NDUFAF2: variants seen among roughly 807,000 people sequenced by gnomAD.
The protein encoded by NDUFAF2 is NADH:ubiquinone oxidoreductase complex assembly factor 2.
Under a neutral mutation model 22.8 loss-of-function variants are expected in NDUFAF2, and 13 were observed. That is an observed-to-expected ratio of 0.57 (90% CI 0.37 to 0.91). The LOEUF (loss-of-function observed/expected upper bound fraction) is 0.91. NDUFAF2 is among the 40% of genes least tolerant of loss of function. The probability of loss-of-function intolerance (pLI) is 0.01; values close to 1 mark genes in which losing one functional copy is unlikely to be tolerated. For missense variants in NDUFAF2, 162 were observed against 195.2 expected, an observed-to-expected ratio of 0.83 and a Z score of 1.01; for synonymous variants, 53 against 64.2, an observed-to-expected ratio of 0.83 and a Z score of 0.84.
intron 2 of NDUFAF2, among the ~76,000 whole-genome samples, chr5:61,080,032 C>G (rs1752422575): frequency 6.6e-6 from 1 of 152,016 alleles, no homozygotes; most frequent in East Asian, 1.9e-4. Flanking sequence ...CCTTGTTGCT[C>G]CATCTTGACT....
intron 1 of NDUFAF2, among the ~76,000 whole-genome samples, chr5:60,969,607 T>C (rs1438018157): frequency 2.0e-5 from 3 of 152,182 alleles, no homozygotes; most frequent in African/African-American, 7.2e-5. Flanking sequence ...GAGCTCCTTC[T>C]ATATTCTGGT....
At chr5:61,055,341 AC>A (rs1397829786) in intron 1 of NDUFAF2, among the ~76,000 whole-genome samples, 9 of 152,234 alleles carry the variant, frequency 5.9e-5, no homozygotes, top group Non-Finnish European at 8.8e-5. Flanking sequence ...CTTTTAATTC[AC>A]AATTCATCTT....
chr5:61,105,078 C>G (rs1341734913), intron 3 of NDUFAF2, among the ~76,000 whole-genome samples: 1 of 151,470 alleles, frequency 6.6e-6, no homozygotes, highest in African/African-American at 2.4e-5. Flanking sequence ...TTTTTCTTTG[C>G]TTCTCGGTTC....
chr5:60,972,022 A>C (rs188139010), intron 1 of NDUFAF2, among the ~76,000 whole-genome samples: 26 of 145,012 alleles, frequency 1.8e-4, no homozygotes, highest in Non-Finnish European at 3.0e-4. Flanking sequence ...AGCTCACTGC[A>C]ACTGCCACCT....
intron 1 of NDUFAF2, among the ~76,000 whole-genome samples, chr5:60,991,328 C>T (rs1751155800): frequency 6.6e-6 from 1 of 152,118 alleles, no homozygotes. Flanking sequence ...CACAATCAAT[C>T]AATTACATTC....
intron 2 of NDUFAF2, among the ~76,000 whole-genome samples, chr5:61,088,619 G>A (rs1056684659): frequency 6.6e-6 from 1 of 151,698 alleles, no homozygotes; most frequent in African/African-American, 2.4e-5. Flanking sequence ...ATAAAGTTAA[G>A]AGAAAAGACA....
chr5:60,946,996 A>G (rs1750469536), intron 1 of NDUFAF2, among the ~76,000 whole-genome samples: 1 of 152,176 alleles, frequency 6.6e-6, no homozygotes, highest in Non-Finnish European at 1.5e-5. Flanking sequence ...ATTCCATTGT[A>G]TGGGTTTGCC....
intron 3 of NDUFAF2, among the ~76,000 whole-genome samples, chr5:61,111,118 T>A (rs541272278): frequency 2.2e-4 from 33 of 152,220 alleles, no homozygotes; most frequent in Non-Finnish European, 7.3e-5. Context: ...GTTTGTATAG[T>A]TTCCAAAATT....
rs1300530464 is a variant in NDUFAF2, at chr5:61,004,234, C to G, written c.127+58852C>G. 4.6e-5 allele frequency among the ~76,000 whole-genome samples: 7 copies of G among 152,036 alleles called. No individual in the cohort carries two copies. The East Asian group carries it at 1.4e-3, about 29-fold the overall frequency. ...TCCCGTGCTATTGGCTTACAGATAT[C>G]CCTTCTATGTTCATATATCTCATGT... On this transcript the variant is annotated intron_variant, in intron 1 of 3. Transcript: ENST00000296597.
intron 1 of NDUFAF2, among the ~76,000 whole-genome samples, chr5:60,975,420 C>T (rs1750889900): frequency 6.6e-6 from 1 of 151,888 alleles, no homozygotes; most frequent in Non-Finnish European, 1.5e-5. Flanking sequence ...ATCAGATATT[C>T]AGTCTCGGGT....
At chr5:61,025,269 G>C (rs1182996254) in intron 1 of NDUFAF2, among the ~76,000 whole-genome samples, 1 of 151,954 alleles carries the variant, frequency 6.6e-6, no homozygotes, top group African/African-American at 2.4e-5. Context: ...TTTATTGAAT[G>C]AATCGATAAT....
chr5:61,003,365 TTC>T (rs1260583993), intron 1 of NDUFAF2, among the ~76,000 whole-genome samples: 1 of 152,126 alleles, frequency 6.6e-6, no homozygotes, highest in African/African-American at 2.4e-5. Context: ...GCAAAAATGT[TTC>T]TTTTTTATTA....
intron 3 of NDUFAF2, among the ~76,000 whole-genome samples, chr5:61,122,398 G>A (rs1752987511): frequency 6.6e-6 from 1 of 152,146 alleles, no homozygotes; most frequent in Non-Finnish European, 1.5e-5. Context: ...AAATATGATA[G>A]GTGCTGTTAT....
intron 3 of NDUFAF2, among the ~76,000 whole-genome samples, chr5:61,141,741 T>G (rs1056536248): frequency 3.3e-5 from 5 of 152,192 alleles, no homozygotes; most frequent in African/African-American, 1.2e-4. Context: ...CAGCTCCTGT[T>G]GTCCCCTGCA....
At chr5:61,035,454 G>A (rs1357724147) in intron 1 of NDUFAF2, among the ~76,000 whole-genome samples, 1 of 46,658 alleles carries the variant, frequency 2.1e-5, no homozygotes, top group East Asian at 5.3e-4. Flanking sequence ...TTTTTTTTTG[G>A]TAAAGGGCTT....
intron 1 of NDUFAF2, among the ~76,000 whole-genome samples, chr5:60,981,636 A>G (rs577083918): frequency 6.6e-6 from 1 of 152,214 alleles, no homozygotes; most frequent in Non-Finnish European, 1.5e-5. Flanking sequence ...ATTTTTTAAG[A>G]CATAGTACAA....
At chr5:60,994,798 G>A (rs1476383172) in intron 1 of NDUFAF2, among the ~76,000 whole-genome samples, 1 of 151,782 alleles carries the variant, frequency 6.6e-6, no homozygotes, top group African/African-American at 2.4e-5. Flanking sequence ...ATCTCTTTCT[G>A]CCTCCTCATT....
chr5:61,121,411 GTTTTTC>G (rs938563738), intron 3 of NDUFAF2, among the ~76,000 whole-genome samples: 13 of 152,070 alleles, frequency 8.5e-5, no homozygotes, highest in African/African-American at 2.9e-4. Flanking sequence ...GTTACAGCTT[GTTTTTC>G]TTTTTAATGA....
At chr5:60,980,908 A>AT (rs1561533242) in intron 1 of NDUFAF2, among the ~76,000 whole-genome samples, 1 of 152,148 alleles carries the variant, frequency 6.6e-6, no homozygotes, top group African/African-American at 2.4e-5. Flanking sequence ...AGAAATGAGA[A>AT]TAAAGAAGAA....
Sources: allele counts gnomAD v4.1 joint callset (sites outside exome capture counted in the v4.1 genomes callset), GRCh38; gene constraint gnomAD v4.1.1; transcripts MANE v1.5; gene names NCBI Gene and HGNC (gene_info 2026-07-23, HGNC 2026-07-21).